The following RHPN1 variants were observed in gnomAD, a reference collection of about 807,000 sequenced individuals.
RHPN1 encodes the protein rhophilin Rho GTPase binding protein 1, also known as rhophilin-1.
RHPN1 carries 77 observed loss-of-function variants against 74.7 expected under a neutral mutation model. That is an observed-to-expected ratio of 1.03 (90% CI 0.86 to 1.25). The LOEUF (loss-of-function observed/expected upper bound fraction) is 1.25, where lower values mean the gene tolerates loss of function less well. Among genes scored for constraint, RHPN1 ranks in the 50% most tolerant of loss-of-function variants. The probability of loss-of-function intolerance (pLI) is 0.00; values close to 1 mark genes in which losing one functional copy is unlikely to be tolerated. For missense variants in RHPN1, 987 were observed against 932.2 expected (o/e 1.06, Z -0.77); for synonymous variants, 444 against 414.5 (o/e 1.07, Z -0.87).
chr8:143,380,964 G>A (rs1486931814), intron 11 of RHPN1, among the ~76,000 whole-genome samples, 181 bp downstream of exon 11: 3 of 152,244 alleles, frequency 2.0e-5, no homozygotes. Context: ...CAGGGGCCTG[G>A]GGGATGACCA....
chr8:143,379,008 T>G lies in RHPN1; in HGVS notation c.681T>G (p.Ile227Met), dbSNP rs1586825729. ...ACATCGGTGCCCTCCACACGCAGAT[T>G]GGGGCGCGCCAGGACCGCTCCTGCA... ...LFNIGALHTQIGARQDRSCTE... is the reference protein window; with the variant it reads ...LFNIGALHTQMGARQDRSCTE... The change falls in exon 7 of 15, where the codon ATT (isoleucine) becomes ATG (methionine). Residue 227 changes from isoleucine to methionine, a missense_variant. Physicochemically the swap from Ile to Met is conservative, Grantham distance 10. Transcript: ENST00000289013. 1 of 1,550,246 alleles carries G rather than the reference T, an allele frequency of 6.5e-7. No individual in the cohort carries two copies. Among genetic ancestry groups the G allele is most frequent in the Non-Finnish European group, 8.7e-7 (1 of 1,147,296 alleles).
Position 143,379,511 on chromosome 8 carries a change from G to A in RHPN1, c.945+3G>A, listed in dbSNP as rs758131508. ...GCCTGGCGCAGGAGGCCGCCCAGGT[G>A]AGCTCGGGCACCCGTGTCAGGATGC... On this transcript the variant is annotated splice_donor_region_variant and intron_variant, in intron 8 of 14. Transcript: ENST00000289013. 7.1e-6 allele frequency: 11 copies of A among 1,542,462 alleles called. No homozygotes were observed. The highest frequency in any genetic ancestry group is 2.1e-4 in the Middle Eastern group (1 of 4,660).
At chr8:143,378,209 C>T (rs1276636666) in intron 4 of RHPN1, 60 bp from the exon 5 acceptor site, 14 of 1,400,958 alleles carry the variant, frequency 1.0e-5, no homozygotes, top group African/African-American at 1.4e-5. Context: ...GGTTGGGAGA[C>T]CTCAGGGAAG....
intron 3 of RHPN1, 99 bp downstream of exon 3, chr8:143,376,752 T>A: frequency 7.2e-7 from 1 of 1,381,848 alleles, no homozygotes; most frequent in Middle Eastern, 2.4e-4. Context: ...TGTGTGTATA[T>A]GTGTGCATTG....
intron 10 of RHPN1, 22 bp from the exon 11 acceptor site, chr8:143,380,567 C>T (rs1323830140): frequency 6.8e-7 from 1 of 1,470,170 alleles, no homozygotes; most frequent in Admixed American, 2.4e-5. Flanking sequence ...TGGTGTGTGA[C>T]ATCCCAGTGC....
chr8:143,375,695 G>C, intron 2 of RHPN1, 27 bp downstream of exon 2: 1 of 1,551,864 alleles, frequency 6.4e-7, no homozygotes, highest in Non-Finnish European at 8.8e-7. Flanking sequence ...GCCCGGCCCC[G>C]GGAGCAGGGC....
At position 143,379,190 on chromosome 8, in the gene RHPN1, G is replaced by A. The variant is rs918985786; in HGVS notation, c.751+112G>A. On this transcript the variant is annotated intron_variant, in intron 7 of 14. Coordinates refer to ENST00000289013, the MANE Select transcript of RHPN1 (RefSeq NM_052924.3). The stretch of plus-strand genomic sequence containing the variant: ...TTAGGACATCAGTCCCTCAGGTAGG[G>A]GGAGTGAGCACATCAGGTCCATATG... 5.0e-6 allele frequency: 7 copies of A among 1,386,320 alleles called. No individual in the cohort carries two copies. In the East Asian group the frequency reaches 1.5e-4, roughly 30 times the overall value. The allele number at this position is 1,386,320 out of a possible 1,614,324, so 85.9% of individuals were successfully genotyped here. A position where few individuals can be genotyped will look rare whatever the true frequency, so the allele number is the denominator to read the frequency against.
chr8:143,375,717 A>T (rs1818170654), intron 2 of RHPN1, 49 bp downstream of exon 2: 3 of 1,432,022 alleles, frequency 2.1e-6, no homozygotes, highest in East Asian at 2.4e-5. Flanking sequence ...CACCTGGGTG[A>T]GGGGGGCAGG....
In RHPN1 at chr8:143,379,968, C is replaced by T; in HGVS notation, c.1085C>T (p.Ala362Val). Residue 362 changes from alanine (A) to valine (V), a missense_variant, in exon 9 of 15, where the codon GCC becomes GTC. Coordinates refer to ENST00000289013, the MANE Select transcript of RHPN1 (RefSeq NM_052924.3). ...CTGGCCCACTACCACGTAGCCATGG[C>T]CCTCTGCGACGGCTCCCGTGAGTGC... is the stretch of plus-strand genomic sequence containing the variant. ...RSLAHYHVAM[A>V]LCDGSPATEG... 2 of 1,567,296 alleles carry T rather than the reference C, an allele frequency of 1.3e-6. No homozygotes were observed. Among genetic ancestry groups the T allele is most frequent in the Non-Finnish European group, 1.7e-6 (2 of 1,157,410 alleles).
intron 1 of RHPN1, among the ~76,000 whole-genome samples, chr8:143,375,106 G>A (rs542290537): frequency 1.3e-5 from 2 of 152,360 alleles, no homozygotes; most frequent in South Asian, 2.1e-4. Context: ...ATTTGGAGGC[G>A]TGGGTGAGTT....
At position 143,381,636 on chromosome 8, in the gene RHPN1, G is replaced by T; in HGVS notation, c.1553G>T (p.Arg518Leu). 1 of 1,610,944 alleles carries T rather than the reference G, an allele frequency of 6.2e-7. No homozygotes were observed. The highest frequency in any genetic ancestry group is 8.5e-7 in the Non-Finnish European group (1 of 1,179,290). The change falls in exon 13 of 15, where the codon CGA (arginine) becomes CTA (leucine). Residue 518 changes from arginine to leucine, a missense_variant. Arg to Leu is a moderately radical substitution (Grantham distance 102). Transcript: ENST00000289013. ...CTGGTGGGGCCCGTCCACCTGACCCGAGGAGAGGGCGGCTTTGGCCTCACG... is the reference window on the plus strand; with the variant it reads ...CTGGTGGGGCCCGTCCACCTGACCCTAGGAGAGGGCGGCTTTGGCCTCACG... ...WRLVGPVHLT[R>L]GEGGFGLTLR... is the part of the protein sequence containing the mutation.
At position 143,381,814 on chromosome 8, in the gene RHPN1, G is replaced by A. The variant is rs754974375; in HGVS notation, c.1643G>A (p.Gly548Asp). 1.1e-5 allele frequency: 18 copies of A among 1,612,540 alleles called. No homozygotes were observed. Among genetic ancestry groups the A allele is most frequent in the Non-Finnish European group, 1.5e-5 (18 of 1,179,564 alleles). Reference protein sequence around the residue: ...VIPGSQAAAAGLKEGDYIVSV... With the variant: ...VIPGSQAAAADLKEGDYIVSV... ...GTCCAAGTCTCCCCACAGGCGGCTG[G>A]CCTGAAGGAGGGCGACTACATTGTG... The change falls in exon 14 of 15, where the codon GGC becomes GAC. Residue 548 changes from glycine to aspartate, a missense_variant. Transcript: ENST00000289013.
rs966679481 is a variant in RHPN1, at chr8:143,383,805, G to A, written c.*1154G>A. On this transcript the variant is annotated 3_prime_UTR_variant, in exon 15 of 15. Coordinates refer to ENST00000289013, the MANE Select transcript of RHPN1 (RefSeq NM_052924.3). ...CTCAGCAGCCCTGGGAGGCGGCACGGGCAGGTGCGCCTTGGGAGGGCTGAG... is the reference window on the plus strand; with the variant it reads ...CTCAGCAGCCCTGGGAGGCGGCACGAGCAGGTGCGCCTTGGGAGGGCTGAG... The A allele has an allele frequency of 1.3e-5, 2 of 152,212 alleles. No individual in the cohort carries two copies. Among genetic ancestry groups the A allele is most frequent in the Non-Finnish European group, 2.9e-5 (2 of 68,082 alleles). 9.4% of individuals were successfully genotyped at this position (152,212 alleles called of 1,614,324 possible).
intron 4 of RHPN1, 49 bp from the exon 5 acceptor site, chr8:143,378,220 G>T: frequency 6.8e-7 from 1 of 1,474,314 alleles, no homozygotes; most frequent in Non-Finnish European, 9.3e-7. Context: ...CTCAGGGAAG[G>T]AGGCCAGGCA....
At chr8:143,377,983 G>A (rs912179093) in intron 4 of RHPN1, among the ~76,000 whole-genome samples, 1 of 152,198 alleles carries the variant, frequency 6.6e-6, no homozygotes, top group Non-Finnish European at 1.5e-5. Context: ...TAAAAGTAGC[G>A]CTGAGTCTCC....
At chr8:143,375,857 C>T (rs959959781) in intron 2 of RHPN1, among the ~76,000 whole-genome samples, 189 bp downstream of exon 2, 2 of 152,244 alleles carry the variant, frequency 1.3e-5, no homozygotes, top group South Asian at 4.1e-4. Context: ...CTCCGTGGGC[C>T]TCTGTGCTGG....
chr8:143,377,527 G>C, intron 4 of RHPN1, 72 bp downstream of exon 4: 1 of 1,075,654 alleles, frequency 9.3e-7, no homozygotes, highest in East Asian at 2.5e-5. Context: ...GAGGCTTTCT[G>C]GTCCAGCTGT....
rs1050021872 is a variant in RHPN1, at chr8:143,376,230, C to T, written c.177-295C>T. Among the ~76,000 whole-genome samples, 10 of 152,216 alleles carry T rather than the reference C, an allele frequency of 6.6e-5. 1 individual carries two copies. The highest frequency in any genetic ancestry group is 3.9e-4 in the Admixed American group (6 of 15,280). On this transcript the variant is annotated intron_variant, in intron 2 of 14. Coordinates refer to ENST00000289013, the MANE Select transcript of RHPN1 (RefSeq NM_052924.3). ...CCAAGGAGTGATGTTTGAGTGCTGTCGAGGGCTGTATGAGCCCCAAAGAAA... is the reference window on the plus strand; with the variant it reads ...CCAAGGAGTGATGTTTGAGTGCTGTTGAGGGCTGTATGAGCCCCAAAGAAA...
Position 143,374,105 on chromosome 8 carries a change from G to A in RHPN1, c.61-1448G>A, listed in dbSNP as rs1358592739. ...TAATTAAAATGCACACAAAGATCTC[G>A]TTCACATTAGCAAAAAGAACTCTCT... On this transcript the variant is annotated intron_variant, in intron 1 of 14. Coordinates refer to ENST00000289013, the MANE Select transcript of RHPN1 (RefSeq NM_052924.3). 17 of 983,926 alleles carry A rather than the reference G, an allele frequency of 1.7e-5. No individual in the cohort carries two copies. The South Asian group carries it at 5.2e-4, about 30-fold the overall frequency. 60.9% of individuals were successfully genotyped at this position (983,926 alleles called of 1,614,324 possible). A position where few individuals can be genotyped will look rare whatever the true frequency, so the allele number is the denominator to read the frequency against.
Sources: gnomAD v4.1 joint callset for allele counts (sites outside exome capture counted in the v4.1 genomes callset) on GRCh38, gnomAD v4.1.1 for gene constraint, MANE v1.5 for transcripts, NCBI Gene and HGNC (gene_info 2026-07-23, HGNC 2026-07-21) for gene names.